Variants in KIAA1671 observed in about 807,000 individuals in gnomAD.
KIAA1671 encodes the protein KIAA1671.
A neutral mutation model predicts 131.2 loss-of-function variants in KIAA1671; 52 were observed. The observed-to-expected ratio is 0.40, with a 90% confidence interval of 0.32 to 0.50. KIAA1671 has a LOEUF of 0.50. Among genes scored for constraint, KIAA1671 ranks in the 20% least tolerant of loss-of-function variants. KIAA1671 has a pLI of 0.73. For synonymous variants in KIAA1671, 1,003 were observed against 961.6 expected (o/e 1.04, Z -0.80); for missense variants, 2,360 against 2,364.2 (o/e 1.00, Z 0.04).
At chr22:24,973,176 C>T (rs1220942266) in intron 1 of KIAA1671, among the ~76,000 whole-genome samples, 1 of 152,126 alleles carries the variant, frequency 6.6e-6, no homozygotes, top group Admixed American at 6.5e-5. Context: ...CCCTTCATGG[C>T]AGGACTCGGT....
intron 1 of KIAA1671, among the ~76,000 whole-genome samples, chr22:25,001,225 ATG>A (rs199945134): frequency 0.011 from 675 of 64,000 alleles, 5 homozygotes; most frequent in African/African-American, 0.036. Context: ...GTATATATGT[ATG>A]TGTGTGTATA....
intron 6 of KIAA1671, among the ~76,000 whole-genome samples, chr22:25,071,409 C>G (rs1243265211): frequency 6.6e-6 from 1 of 152,158 alleles, no homozygotes; most frequent in Non-Finnish European, 1.5e-5. Context: ...CCTGAGCCCC[C>G]CAGAGCAGTG....
At chr22:25,000,525 A>ATGT (rs943722021) in intron 1 of KIAA1671, among the ~76,000 whole-genome samples, 1 of 112,666 alleles carries the variant, frequency 8.9e-6, no homozygotes, top group Non-Finnish European at 1.8e-5. Context: ...GTAGCTTTCG[A>ATGT]TGTTGTTGTT....
At chr22:25,189,356 A>G (rs1258249323) in intron 11 of KIAA1671, among the ~76,000 whole-genome samples, 2 of 151,456 alleles carry the variant, frequency 1.3e-5, no homozygotes, top group Non-Finnish European at 2.9e-5. Context: ...TTTATTTTTA[A>G]TAGAGACAGG....
chr22:24,998,577 G>A (rs1465778224), intron 1 of KIAA1671, among the ~76,000 whole-genome samples: 1 of 151,866 alleles, frequency 6.6e-6, no homozygotes, highest in Admixed American at 6.6e-5. Context: ...AAATTAGCTG[G>A]GCGTAGTGGC....
In KIAA1671 at chr22:24,957,965, C is replaced by CTTTT. The variant is rs140702390; in HGVS notation, c.-208+5211_-208+5214dup. ...AGTGCTGGGATTACAGGCACCCGGCCTTTTTTTTTTTTTTTTTTTTTAATA... is the reference window on the plus strand; with the variant it reads ...AGTGCTGGGATTACAGGCACCCGGCCTTTTTTTTTTTTTTTTTTTTTTTTTAATA... On this transcript the variant is annotated intron_variant, in intron 1 of 12. Coordinates refer to ENST00000358431, the MANE Select transcript of KIAA1671 (RefSeq NM_001145206.2). Among the ~76,000 whole-genome samples, 201 of 114,452 alleles carry CTTTT rather than the reference C, an allele frequency of 1.8e-3. 4 individuals carry two copies. The highest frequency in any genetic ancestry group is 6.6e-3 in the African/African-American group (183 of 27,830). 75.1% of individuals were successfully genotyped at this position (114,452 alleles called of 152,430 possible).
chr22:24,959,416 A>G (rs1921897436), intron 1 of KIAA1671, among the ~76,000 whole-genome samples: 1 of 151,868 alleles, frequency 6.6e-6, no homozygotes, highest in South Asian at 2.1e-4. Context: ...CCAGCTATTC[A>G]GGAGGCTGAG....
chr22:25,153,898 C>T (rs1287524849), intron 6 of KIAA1671, among the ~76,000 whole-genome samples: 1 of 152,226 alleles, frequency 6.6e-6, no homozygotes, highest in Admixed American at 6.5e-5. Flanking sequence ...TGCCTCACCC[C>T]AAGGCGCCTG....
At chr22:25,002,703 C>T (rs1383846448) in intron 1 of KIAA1671, among the ~76,000 whole-genome samples, 1 of 152,128 alleles carries the variant, frequency 6.6e-6, no homozygotes, top group East Asian at 1.9e-4. Flanking sequence ...CTGCTGAACC[C>T]TCCCTGAGAA....
intron 1 of KIAA1671, among the ~76,000 whole-genome samples, chr22:24,990,460 C>T (rs1290083680): frequency 1.3e-5 from 2 of 152,222 alleles, no homozygotes; most frequent in African/African-American, 4.8e-5. Flanking sequence ...ATCTCACACC[C>T]ACCCTACCTC....
At chr22:25,172,052 T>C (rs536043223) in intron 7 of KIAA1671, among the ~76,000 whole-genome samples, 1 of 151,864 alleles carries the variant, frequency 6.6e-6, no homozygotes, top group Non-Finnish European at 1.5e-5. Flanking sequence ...TTTTTTACAG[T>C]GCCCGAGAAA....
chr22:25,170,699 G>T lies in KIAA1671; in HGVS notation c.4531-121G>T, dbSNP rs375477744. 429 of 890,832 alleles carry T rather than the reference G, an allele frequency of 4.8e-4. No individual in the cohort carries two copies. In the African/African-American group the frequency reaches 6.2e-3, roughly 13 times the overall value. The allele number at this position is 890,832 out of a possible 1,614,324, so 55.2% of individuals were successfully genotyped here. On this transcript the variant is annotated intron_variant, in intron 6 of 12. Transcript: ENST00000358431. ...AAGATGTCTGGCCCCACTTAGGAAG[G>T]CAGCGGGTTGCTGGGATGGGTTTGA...
chr22:25,139,310 G>A (rs891192945), intron 6 of KIAA1671, among the ~76,000 whole-genome samples: 1 of 152,230 alleles, frequency 6.6e-6, no homozygotes. Context: ...TTATCTTGGC[G>A]AGGAGCCCTG....
At chr22:24,975,261 TAGC>T (rs1486721349) in intron 1 of KIAA1671, among the ~76,000 whole-genome samples, 1 of 152,128 alleles carries the variant, frequency 6.6e-6, no homozygotes, top group East Asian at 1.9e-4. Flanking sequence ...ATATTTAACT[TAGC>T]AGAATGTTTT....
intron 1 of KIAA1671, among the ~76,000 whole-genome samples, chr22:24,981,458 GGAA>G (rs1923230570): frequency 6.6e-6 from 1 of 152,128 alleles, no homozygotes; most frequent in Admixed American, 6.5e-5. Flanking sequence ...TACTTCCTAG[GGAA>G]GAAGAAGCCC....
At chr22:24,979,381 G>A (rs1433283478) in intron 1 of KIAA1671, among the ~76,000 whole-genome samples, 9 of 143,552 alleles carry the variant, frequency 6.3e-5, no homozygotes, top group South Asian at 2.2e-4. Flanking sequence ...ACGGAGTCTC[G>A]CTGTTTTGCC....
intron 6 of KIAA1671, chr22:25,064,543 T>C (rs1347497401): frequency 6.6e-6 from 1 of 152,128 alleles, no homozygotes; most frequent in Non-Finnish European, 1.5e-5. Flanking sequence ...TCTAACTCCA[T>C]CCACACCCTT....
intron 6 of KIAA1671, among the ~76,000 whole-genome samples, chr22:25,125,663 A>G (rs1601336892): frequency 1.3e-5 from 2 of 152,346 alleles, no homozygotes; most frequent in Admixed American, 1.3e-4. Flanking sequence ...TCTGCCCACT[A>G]GATGCCTGCA....
chr22:25,027,637 C>G (rs1041243537), intron 2 of KIAA1671, among the ~76,000 whole-genome samples: 38 of 152,344 alleles, frequency 2.5e-4, no homozygotes, highest in African/African-American at 8.9e-4. Flanking sequence ...TAGCAGAGAT[C>G]ACTGCTTTTT....
Sources: allele counts gnomAD v4.1 joint callset (sites outside exome capture counted in the v4.1 genomes callset), GRCh38; gene constraint gnomAD v4.1.1; transcripts MANE v1.5; gene names NCBI Gene and HGNC (gene_info 2026-07-23, HGNC 2026-07-21).